The following CADM1 variants were observed in gnomAD, a reference collection of about 807,000 sequenced individuals.
CADM1 encodes TSLC-1.
Under a neutral mutation model 53.1 loss-of-function variants are expected in CADM1, and 15 were observed. The ratio of observed to expected loss-of-function variants is 0.28; its 90% CI spans 0.19 to 0.44. The LOEUF is 0.44. Among genes scored for constraint, CADM1 ranks in the 20% least tolerant of loss-of-function variants. The pLI is 1.00. For missense variants in CADM1, 434 were observed against 611.3 expected (o/e 0.71, Z 3.06); for synonymous variants, 281 against 243.0 (o/e 1.16, Z -1.45).
chr11:115,374,657 C>CA (rs1461552243), intron 1 of CADM1, among the ~76,000 whole-genome samples: 2 of 151,958 alleles, frequency 1.3e-5, no homozygotes, highest in Non-Finnish European at 2.9e-5. Context: ...TCCCATACCC[C>CA]AAAAAAGAAA....
At chr11:115,299,797 T>A (rs906264749) in intron 1 of CADM1, among the ~76,000 whole-genome samples, 2 of 152,080 alleles carry the variant, frequency 1.3e-5, no homozygotes, top group African/African-American at 2.4e-5. Flanking sequence ...ACTGACACTT[T>A]AGCCGCCATT....
At chr11:115,294,212 A>G (rs1247095358) in intron 1 of CADM1, among the ~76,000 whole-genome samples, 2 of 152,058 alleles carry the variant, frequency 1.3e-5, no homozygotes, top group Non-Finnish European at 1.5e-5. Context: ...GACTCTTCAC[A>G]AGGAACCTGG....
chr11:115,443,777 A>T (rs1948383930), intron 1 of CADM1, among the ~76,000 whole-genome samples: 1 of 152,222 alleles, frequency 6.6e-6, no homozygotes, highest in Non-Finnish European at 1.5e-5. Context: ...TAACTCAGCC[A>T]AATAGAAAGG....
chr11:115,274,797 A>G (rs1943398987), intron 1 of CADM1, among the ~76,000 whole-genome samples: 1 of 152,148 alleles, frequency 6.6e-6, no homozygotes, highest in African/African-American at 2.4e-5. Context: ...GTGGCAGCCC[A>G]GGACCCCGCA....
intron 1 of CADM1, among the ~76,000 whole-genome samples, chr11:115,367,459 T>A (rs937282705): frequency 6.6e-6 from 1 of 152,216 alleles, no homozygotes; most frequent in African/African-American, 2.4e-5. Flanking sequence ...CTTTAACATG[T>A]GCTTTTTAAG....
chr11:115,297,674 T>C (rs996037605), intron 1 of CADM1, among the ~76,000 whole-genome samples: 20 of 152,218 alleles, frequency 1.3e-4, no homozygotes, highest in African/African-American at 4.8e-4. Flanking sequence ...GAAACTAATA[T>C]ATGTTCAATA....
At chr11:115,390,304 C>T (rs540954129) in intron 1 of CADM1, among the ~76,000 whole-genome samples, 32 of 151,460 alleles carry the variant, frequency 2.1e-4, no homozygotes, top group African/African-American at 6.8e-4. Flanking sequence ...TTCTACAAGT[C>T]GAACTGGACA....
chr11:115,412,679 C>T (rs1048898940), intron 1 of CADM1, among the ~76,000 whole-genome samples: 20 of 151,982 alleles, frequency 1.3e-4, no homozygotes, highest in African/African-American at 4.8e-4. Flanking sequence ...ACTTTTGTGC[C>T]GACTACCTCA....
intron 1 of CADM1, among the ~76,000 whole-genome samples, chr11:115,491,071 T>G (rs1331340988): frequency 6.6e-6 from 1 of 152,030 alleles, no homozygotes; most frequent in East Asian, 1.9e-4. Context: ...CACTTAAAAG[T>G]AAATTATACT....
chr11:115,310,094 G>A (rs1944491220), intron 1 of CADM1, among the ~76,000 whole-genome samples: 1 of 151,886 alleles, frequency 6.6e-6, no homozygotes, highest in Admixed American at 6.6e-5. Context: ...TTCCTTCGAT[G>A]GGAAAAAAAT....
chr11:115,344,753 C>T (rs74401334), intron 1 of CADM1, among the ~76,000 whole-genome samples: 1,825 of 152,244 alleles, frequency 0.012, 18 homozygotes, highest in Non-Finnish European at 0.018. Context: ...CTACAACAAC[C>T]CTCTCTAATA....
At chr11:115,211,034 T>C (rs1251680507) in intron 7 of CADM1, among the ~76,000 whole-genome samples, 1 of 126,074 alleles carries the variant, frequency 7.9e-6, no homozygotes, top group East Asian at 2.0e-4. Context: ...CAAAAAAGGA[T>C]GTCGTTTAAA....
chr11:115,426,070 G>A (rs1020175406), intron 1 of CADM1, among the ~76,000 whole-genome samples: 2 of 152,186 alleles, frequency 1.3e-5, no homozygotes, highest in Non-Finnish European at 2.9e-5. Flanking sequence ...GTGACAAGGA[G>A]GCAGGAGGGC....
At chr11:115,500,412 A>G (rs1399368292) in intron 1 of CADM1, among the ~76,000 whole-genome samples, 5 of 152,244 alleles carry the variant, frequency 3.3e-5, no homozygotes, top group Non-Finnish European at 5.9e-5. Context: ...TTATATTCAT[A>G]GCAATCTTAT....
At chr11:115,282,816 GA>G (rs1014588521) in intron 1 of CADM1, among the ~76,000 whole-genome samples, 1 of 152,224 alleles carries the variant, frequency 6.6e-6, no homozygotes, top group African/African-American at 2.4e-5. Flanking sequence ...ATTTACAGGG[GA>G]TGGAAGAGGT....
At chr11:115,292,747 G>A (rs888707584) in intron 1 of CADM1, among the ~76,000 whole-genome samples, 2 of 152,144 alleles carry the variant, frequency 1.3e-5, no homozygotes, top group African/African-American at 2.4e-5. Flanking sequence ...TCAAATGACA[G>A]GCAGATCAGT....
At chr11:115,462,330 A>C (rs1948814177) in intron 1 of CADM1, among the ~76,000 whole-genome samples, 1 of 152,196 alleles carries the variant, frequency 6.6e-6, no homozygotes, top group Non-Finnish European at 1.5e-5. Context: ...GGCGAGAGTT[A>C]AACCGGAAAG....
chr11:115,332,535 C>T (rs151265640), intron 1 of CADM1, among the ~76,000 whole-genome samples: 3 of 152,222 alleles, frequency 2.0e-5, no homozygotes, highest in Admixed American at 2.0e-4. Context: ...AAAGCAACCA[C>T]GGTCCCAGAA....
intron 1 of CADM1, among the ~76,000 whole-genome samples, chr11:115,374,598 G>T (rs535190318): frequency 1.6e-4 from 24 of 152,120 alleles, no homozygotes; most frequent in African/African-American, 5.3e-4. Context: ...ATACAAAAAG[G>T]TACAGACATT....
Sources: gnomAD v4.1 joint callset for allele counts (sites outside exome capture counted in the v4.1 genomes callset) on GRCh38, gnomAD v4.1.1 for gene constraint, MANE v1.5 for transcripts, NCBI Gene and HGNC (gene_info 2026-07-23, HGNC 2026-07-21) for gene names.